MAPK10: variants seen among roughly 807,000 people sequenced by gnomAD.
MAPK10 encodes the protein mitogen-activated protein kinase 10.
Under a neutral mutation model 59.3 loss-of-function variants are expected in MAPK10, and 25 were observed. That is an observed-to-expected ratio of 0.42 (90% confidence interval 0.31 to 0.59). The LOEUF is 0.59. Ranked by LOEUF, MAPK10 falls within the 20% of genes least tolerant of loss-of-function variation. The pLI is 0.15. For synonymous variants in MAPK10, 190 were observed against 200.5 expected, an observed-to-expected ratio of 0.95 and a Z score of 0.44; for missense variants, 351 against 568.9, an observed-to-expected ratio of 0.62 and a Z score of 3.90.
intron 2 of MAPK10, among the ~76,000 whole-genome samples, chr4:86,279,471 G>C (rs1327741758): frequency 6.6e-6 from 1 of 152,102 alleles, no homozygotes; most frequent in Non-Finnish European, 1.5e-5. Flanking sequence ...GGTACAAACA[G>C]GAAGAATAAT....
chr4:86,532,840 G>A (rs753125256), intron 1 of MAPK10, among the ~76,000 whole-genome samples: 19 of 152,292 alleles, frequency 1.2e-4, no homozygotes, highest in Non-Finnish European at 2.8e-4. Flanking sequence ...CCTCACACCA[G>A]TGGCCTCTGC....
At chr4:86,364,122 T>A (rs1737445624), upstream of MAPK10, among the ~76,000 whole-genome samples, 1 of 148,524 alleles carries the variant, frequency 6.7e-6, no homozygotes. Flanking sequence ...GTTGTTGTTG[T>A]TGATTTGTTT....
At chr4:86,199,312 G>T (rs1223542619) in intron 2 of MAPK10, among the ~76,000 whole-genome samples, 1 of 151,862 alleles carries the variant, frequency 6.6e-6, no homozygotes, top group Non-Finnish European at 1.5e-5. Context: ...AAAGAACAAT[G>T]AATAAATAAA....
chr4:86,228,782 T>C (rs1273343300), intron 2 of MAPK10, among the ~76,000 whole-genome samples: 4 of 152,200 alleles, frequency 2.6e-5, no homozygotes, highest in African/African-American at 9.7e-5. Flanking sequence ...TAAATAAATA[T>C]TTGTTGAATG....
intron 1 of MAPK10, among the ~76,000 whole-genome samples, chr4:86,547,496 G>A (rs952221822): frequency 1.3e-5 from 2 of 152,210 alleles, no homozygotes; most frequent in East Asian, 1.9e-4. Flanking sequence ...CTTCCCGCAG[G>A]GCAGGGCTCA....
intron 1 of MAPK10, among the ~76,000 whole-genome samples, chr4:86,372,580 A>T (rs1238343889): frequency 6.8e-6 from 1 of 146,480 alleles, no homozygotes; most frequent in Non-Finnish European, 1.5e-5. Flanking sequence ...AAAGAAAAGA[A>T]AAGAAAAGAA....
intron 2 of MAPK10, among the ~76,000 whole-genome samples, chr4:86,315,121 A>T (rs948883460): frequency 6.6e-6 from 1 of 152,140 alleles, no homozygotes; most frequent in Admixed American, 6.6e-5. Context: ...GGAGGTCATT[A>T]TGTTATGTGA....
Position 86,015,468 on chromosome 4 carries a change from TG to T in MAPK10, c.*1759del. On this transcript the variant is annotated 3_prime_UTR_variant, in exon 14 of 14. Coordinates refer to ENST00000641462, the MANE Select transcript of MAPK10 (RefSeq NM_138982.4). ...TTCAGGTGAAATATCACCACTCTAGTGAGCACCAACATGGTCAGAGTGCAAA... is the reference window on the plus strand; with the variant it reads ...TTCAGGTGAAATATCACCACTCTAGTAGCACCAACATGGTCAGAGTGCAAA... 1 of 152,342 alleles carries T rather than the reference TG, an allele frequency of 6.6e-6. No individual in the cohort carries two copies. The highest frequency in any genetic ancestry group is 1.9e-4 in the East Asian group (1 of 5,186). The allele number at this position is 152,342 out of a possible 1,614,324, so 9.4% of individuals were successfully genotyped here. A position where few individuals can be genotyped will look rare whatever the true frequency, so the allele number is the denominator to read the frequency against.
chr4:86,520,522 A>T (rs1451168207), intron 1 of MAPK10, among the ~76,000 whole-genome samples: 1 of 150,372 alleles, frequency 6.7e-6, no homozygotes, highest in Non-Finnish European at 1.5e-5. Flanking sequence ...CATATCCTGT[A>T]TTTTTTTTTA....
intron 1 of MAPK10, among the ~76,000 whole-genome samples, chr4:86,365,846 T>C (rs1260037904): frequency 1.3e-5 from 2 of 150,498 alleles, no homozygotes; most frequent in South Asian, 4.2e-4. Context: ...ATCAGTTCTA[T>C]CAATCATAAG....
chr4:86,557,597 T>C (rs1477529415), intron 1 of MAPK10, among the ~76,000 whole-genome samples: 1 of 152,094 alleles, frequency 6.6e-6, no homozygotes, highest in Non-Finnish European at 1.5e-5. Context: ...TTTAATAATA[T>C]TTTGAAGGGT....
intron 1 of MAPK10, among the ~76,000 whole-genome samples, chr4:86,509,025 TC>T (rs1182023431): frequency 1.3e-5 from 2 of 152,120 alleles, no homozygotes; most frequent in Non-Finnish European, 2.9e-5. Flanking sequence ...ACATGTAGAG[TC>T]TTTTTAGTTA....
chr4:86,242,475 C>A (rs1352615870), intron 2 of MAPK10, among the ~76,000 whole-genome samples: 1 of 152,228 alleles, frequency 6.6e-6, no homozygotes, highest in Non-Finnish European at 1.5e-5. Context: ...GCTGCAGAGA[C>A]TGCAGCCGCC....
intron 11 of MAPK10, among the ~76,000 whole-genome samples, chr4:86,048,649 G>GA (rs1359459723): frequency 6.6e-6 from 1 of 151,978 alleles, no homozygotes; most frequent in Non-Finnish European, 1.5e-5. Context: ...GGAGACCACA[G>GA]AAAACCACAC....
intron 2 of MAPK10, among the ~76,000 whole-genome samples, chr4:86,207,491 G>A (rs192913280): frequency 0.085 from 12,930 of 152,064 alleles, 1,218 homozygotes; most frequent in African/African-American, 0.23. Context: ...GATGCCTCCC[G>A]TTTTGTTCTT....
intron 1 of MAPK10, among the ~76,000 whole-genome samples, chr4:86,543,167 GA>G (rs1001543374): frequency 3.9e-5 from 6 of 152,138 alleles, no homozygotes; most frequent in African/African-American, 9.7e-5. Flanking sequence ...CAGGTGGGGG[GA>G]CTTAGATGGA....
At chr4:86,466,308 A>T (rs774088086) in intron 1 of MAPK10, among the ~76,000 whole-genome samples, 1 of 152,188 alleles carries the variant, frequency 6.6e-6, no homozygotes, top group Non-Finnish European at 1.5e-5. Context: ...ATTTAGCTTA[A>T]ATAGCACCTC....
intron 11 of MAPK10, among the ~76,000 whole-genome samples, chr4:86,059,401 T>C (rs2148976574): frequency 1.3e-5 from 2 of 152,346 alleles, no homozygotes; most frequent in Middle Eastern, 6.8e-3. Flanking sequence ...AAGACCCTCT[T>C]AATCACTTTA....
In MAPK10 at chr4:86,484,496, C is replaced by T. The variant is rs560057272; in HGVS notation, c.-263+109414G>A. ...CTGACTAGGCTTGAATTCCTTGATA[C>T]TTTACTTGCTTTGTGACTCTGTGCA... On this transcript the variant is annotated intron_variant, in intron 1 of 4. Coordinates refer to the MAPK10 transcript ENST00000502302. Among the ~76,000 whole-genome samples, 11 of 152,234 alleles carry T rather than the reference C, an allele frequency of 7.2e-5. No individual in the cohort carries two copies. The East Asian group carries it at 2.1e-3, about 29-fold the overall frequency.
Sources: allele counts gnomAD v4.1 joint callset (sites outside exome capture counted in the v4.1 genomes callset), GRCh38; gene constraint gnomAD v4.1.1; transcripts MANE v1.5; gene names NCBI Gene and HGNC (gene_info 2026-07-23, HGNC 2026-07-21).